The following DRC11 variants were observed in gnomAD, a reference collection of about 807,000 sequenced individuals.
DRC11 encodes the protein dynein regulatory complex subunit 11.
At chr2:236,469,038 A>G in the DRC11 span, among the ~76,000 whole-genome samples, 2 of 152,198 alleles carry the variant, frequency 1.3e-5, no homozygotes, top group Admixed American at 1.3e-4. This position sits in a 1 kb window ranked among gnomAD's most constrained non-coding sequence, Gnocchi z 5.8. Flanking sequence ...CAACAGCCCT[A>G]TACGAAGTGT....
chr2:236,306,830 T>G, the DRC11 span, among the ~76,000 whole-genome samples: 4 of 152,162 alleles, frequency 2.6e-5, no homozygotes, highest in Admixed American at 2.6e-4. The surrounding 1 kb of genome is among the most constrained non-coding windows in gnomAD (Gnocchi z 5.9). Context: ...GCCTGTCTGG[T>G]TAATATCACA....
At chr2:236,461,835 G>T in the DRC11 span, among the ~76,000 whole-genome samples, 1 of 152,158 alleles carries the variant, frequency 6.6e-6, no homozygotes. The surrounding 1 kb of genome is among the most constrained non-coding windows in gnomAD (Gnocchi z 4.0). Flanking sequence ...TAATCATTGT[G>T]CCAAACTGCC....
At chr2:236,443,173 C>T in the DRC11 span, among the ~76,000 whole-genome samples, 7 of 152,030 alleles carry the variant, frequency 4.6e-5, no homozygotes, top group Non-Finnish European at 7.4e-5. This position sits in a 1 kb window ranked among gnomAD's most constrained non-coding sequence, Gnocchi z 4.4. Flanking sequence ...AAATAAAAGT[C>T]GAAGGAAAAA....
chr2:236,484,175 C>G, the DRC11 span, among the ~76,000 whole-genome samples: 1 of 152,170 alleles, frequency 6.6e-6, no homozygotes, highest in African/African-American at 2.4e-5. Context: ...TATAAATAGA[C>G]AGAAAAGAAT....
chr2:236,491,196 A>ATATATATATATACACACAG, the DRC11 span, among the ~76,000 whole-genome samples: 4 of 63,208 alleles, frequency 6.3e-5, no homozygotes, highest in Admixed American at 3.3e-4. Flanking sequence ...CAGTATATAT[A>ATATATATATATACACACAG]TATATATATA....
the DRC11 span, among the ~76,000 whole-genome samples, chr2:236,317,190 G>T: frequency 6.6e-6 from 1 of 152,108 alleles, no homozygotes; most frequent in Non-Finnish European, 1.5e-5. This position sits in a 1 kb window ranked among gnomAD's most constrained non-coding sequence, Gnocchi z 5.4. Context: ...CGGCTACTCA[G>T]GAGGCTGAGG....
the DRC11 span, among the ~76,000 whole-genome samples, chr2:236,428,616 A>G: frequency 1.3e-5 from 2 of 152,076 alleles, no homozygotes; most frequent in Admixed American, 6.5e-5. Context: ...CCTTCATTCT[A>G]TATGTGTCCT....
the DRC11 span, among the ~76,000 whole-genome samples, chr2:236,370,950 TG>T: frequency 6.6e-6 from 1 of 152,104 alleles, no homozygotes; most frequent in Non-Finnish European, 1.5e-5. The surrounding 1 kb of genome is among the most constrained non-coding windows in gnomAD (Gnocchi z 5.5). Context: ...TAATGACTGT[TG>T]AGATTCTAAT....
chr2:236,376,787 T>C, the DRC11 span, among the ~76,000 whole-genome samples: 9 of 152,310 alleles, frequency 5.9e-5, no homozygotes, highest in African/African-American at 2.2e-4. The surrounding 1 kb of genome is among the most constrained non-coding windows in gnomAD (Gnocchi z 5.7). Flanking sequence ...AGTGAAATCA[T>C]TAACAATTCC....
At chr2:236,404,612 G>A in the DRC11 span, among the ~76,000 whole-genome samples, 2 of 152,334 alleles carry the variant, frequency 1.3e-5, no homozygotes, top group South Asian at 4.1e-4. Flanking sequence ...TTTGCGGCAT[G>A]TGAAGGTGGC....
the DRC11 span, among the ~76,000 whole-genome samples, chr2:236,357,143 C>CTATATATTATATATTCGTATATTATA: frequency 5.6e-5 from 7 of 126,010 alleles, 1 homozygote; most frequent in African/African-American, 2.2e-4. Flanking sequence ...TATTATATAT[C>CTATATATTATATATTCGTATATTATA]TATATATTAT....
chr2:236,492,598 G>A, the DRC11 span, among the ~76,000 whole-genome samples: 1 of 152,244 alleles, frequency 6.6e-6, no homozygotes, highest in Non-Finnish European at 1.5e-5. Context: ...TCACCCTGGA[G>A]TGTCCCAGCT....
chr2:236,499,455 G>C, the DRC11 span, among the ~76,000 whole-genome samples: 1 of 152,006 alleles, frequency 6.6e-6, no homozygotes, highest in Non-Finnish European at 1.5e-5. The surrounding 1 kb of genome is among the most constrained non-coding windows in gnomAD (Gnocchi z 4.7). Context: ...TTTTTAGACA[G>C]TCTCACTCTG....
the DRC11 span, among the ~76,000 whole-genome samples, chr2:236,448,031 AATT>A: frequency 6.6e-6 from 1 of 152,206 alleles, no homozygotes; most frequent in Non-Finnish European, 1.5e-5. This position sits in a 1 kb window ranked among gnomAD's most constrained non-coding sequence, Gnocchi z 5.3. Context: ...CAATTTAAAT[AATT>A]ATTATGCAAA....
the DRC11 span, among the ~76,000 whole-genome samples, chr2:236,367,011 G>C: frequency 7.0e-6 from 1 of 142,648 alleles, no homozygotes; most frequent in Non-Finnish European, 1.5e-5. This position sits in a 1 kb window ranked among gnomAD's most constrained non-coding sequence, Gnocchi z 4.8. Flanking sequence ...TAGCAGAGAT[G>C]GGGTTTCACC....
At chr2:236,401,335 C>T in the DRC11 span, among the ~76,000 whole-genome samples, 2 of 152,170 alleles carry the variant, frequency 1.3e-5, no homozygotes, top group Admixed American at 1.3e-4. This position sits in a 1 kb window ranked among gnomAD's most constrained non-coding sequence, Gnocchi z 4.6. Context: ...TCTGAACAGA[C>T]CTCCCGTCCT....
the DRC11 span, among the ~76,000 whole-genome samples, chr2:236,389,653 G>A: frequency 2.0e-5 from 3 of 152,162 alleles, no homozygotes; most frequent in Non-Finnish European, 2.9e-5. Context: ...GCTGTAGGCC[G>A]GAGCTGTTCC....
chr2:236,436,818 G>C, the DRC11 span, among the ~76,000 whole-genome samples: 1 of 152,058 alleles, frequency 6.6e-6, no homozygotes, highest in Non-Finnish European at 1.5e-5. Flanking sequence ...TCCAACAAAT[G>C]TTATCTGTTA....
chr2:236,487,906 G>C, the DRC11 span: 14 of 736,788 alleles, frequency 1.9e-5, no homozygotes, highest in Non-Finnish European at 2.9e-5. Flanking sequence ...GTAGGATTTG[G>C]TGTTTGAGTT....
Sources: gnomAD v4.1 joint callset for allele counts (sites outside exome capture counted in the v4.1 genomes callset) on GRCh38, gnomAD v4.1.1 for gene constraint, Gnocchi (gnomAD v3.1) non-coding constraint, MANE v1.5 for transcripts, NCBI Gene and HGNC (gene_info 2026-07-23, HGNC 2026-07-21) for gene names.